BST1: variants seen among roughly 807,000 people sequenced by gnomAD.
BST1 encodes the protein ADP-ribosyl cyclase/cyclic ADP-ribose hydrolase 2.
Under a neutral mutation model 40.6 loss-of-function variants are expected in BST1, and 49 were observed. The observed-to-expected ratio is 1.21, with a 90% CI of 0.96 to 1.53. The LOEUF is 1.53. Among genes scored for constraint, BST1 ranks in the 40% most tolerant of loss-of-function variants. The pLI is 0.00. For synonymous variants in BST1, 157 were observed against 159.3 expected (o/e 0.99, Z 0.11); for missense variants, 423 against 395.9 (o/e 1.07, Z -0.58).
At chr4:15,703,539 C>A (rs115890946) in intron 1 of BST1, among the ~76,000 whole-genome samples, 1 of 143,824 alleles carries the variant, frequency 7.0e-6, no homozygotes, top group Non-Finnish European at 1.5e-5. Flanking sequence ...GTGAGGGGTG[C>A]GCTGTGCGGG....
chr4:15,734,802 T>C (rs1297807422), downstream of BST1, among the ~76,000 whole-genome samples: 4 of 152,216 alleles, frequency 2.6e-5, no homozygotes, highest in Non-Finnish European at 4.4e-5. Flanking sequence ...CAAAAAACAG[T>C]AGACATCACT....
chr4:15,758,025 A>G, the BST1 span, among the ~76,000 whole-genome samples: 1 of 152,244 alleles, frequency 6.6e-6, no homozygotes, highest in East Asian at 1.9e-4. Flanking sequence ...TTGTAAATTG[A>G]CAATTTATAA....
At chr4:15,715,864 A>G in intron 6 of BST1, 65 bp downstream of exon 6, 1 of 1,226,490 alleles carries the variant, frequency 8.2e-7, no homozygotes, top group Non-Finnish European at 1.1e-6. Flanking sequence ...ATAATATGAT[A>G]AAGTTCGTTT....
At chr4:15,738,359 GA>G (rs1185844074), downstream of BST1, 2 of 153,002 alleles carry the variant, frequency 1.3e-5, no homozygotes, top group Non-Finnish European at 2.9e-5. Flanking sequence ...AAAGAATAAT[GA>G]CGTCTATAAG....
At chr4:15,749,935 CT>C in the BST1 span, among the ~76,000 whole-genome samples, 3,145 of 137,700 alleles carry the variant, frequency 0.023, 76 homozygotes, top group African/African-American at 0.07. Flanking sequence ...TCATTCTTTT[CT>C]TTTTTTTTTT....
the BST1 span, among the ~76,000 whole-genome samples, chr4:15,770,542 T>C: frequency 6.6e-6 from 1 of 151,908 alleles, no homozygotes; most frequent in Non-Finnish European, 1.5e-5. Context: ...CCGTCTCTAC[T>C]AAAAATACAA....
At chr4:15,712,001 C>A (rs1479902590) in intron 4 of BST1, 112 bp downstream of exon 4, 10 of 831,126 alleles carry the variant, frequency 1.2e-5, no homozygotes, top group Non-Finnish European at 2.0e-5. Context: ...CTGAGCCTCA[C>A]TTTCCACTTT....
the BST1 span, among the ~76,000 whole-genome samples, chr4:15,762,288 A>G: frequency 1.2e-4 from 17 of 140,348 alleles, no homozygotes; most frequent in African/African-American, 4.6e-4. Context: ...TCTTTTATAC[A>G]CACACACCCA....
At chr4:15,737,545 A>C (rs1721613627), downstream of BST1, among the ~76,000 whole-genome samples, 1 of 152,176 alleles carries the variant, frequency 6.6e-6, no homozygotes, top group African/African-American at 2.4e-5. Flanking sequence ...TCCCAGCACC[A>C]GCTCCATGCC....
chr4:15,757,438 C>T, the BST1 span, among the ~76,000 whole-genome samples: 2 of 152,168 alleles, frequency 1.3e-5, no homozygotes, highest in East Asian at 3.9e-4. Context: ...CTGTCCTAGT[C>T]CTGTGACCTT....
intron 8 of BST1, among the ~76,000 whole-genome samples, chr4:15,724,308 T>G (rs538049558): frequency 6.6e-6 from 1 of 152,370 alleles, no homozygotes; most frequent in African/African-American, 2.4e-5. Flanking sequence ...GGAAGAGAAC[T>G]AATCAGAGTG....
chr4:15,720,473 C>T (rs1045614893), intron 7 of BST1, among the ~76,000 whole-genome samples: 2 of 151,702 alleles, frequency 1.3e-5, no homozygotes, highest in African/African-American at 4.8e-5. Context: ...AAAAATTAGC[C>T]GCGTGTGGTG....
At chr4:15,754,146 C>T in the BST1 span, among the ~76,000 whole-genome samples, 1 of 152,144 alleles carries the variant, frequency 6.6e-6, no homozygotes, top group Non-Finnish European at 1.5e-5. Flanking sequence ...AGGAAAACCA[C>T]GATGGAGGCC....
chr4:15,703,286 C>G lies in BST1; in HGVS notation c.142C>G (p.Leu48Val). 1.3e-6 allele frequency: 2 copies of G among 1,534,430 alleles called. No individual in the cohort carries two copies. The highest frequency in any genetic ancestry group is 8.7e-7 in the Non-Finnish European group (1 of 1,146,218). ...GTSAHLRDIFLGRCAEYRALL... is the reference protein window; with the variant it reads ...GTSAHLRDIFVGRCAEYRALL... ...CAGCGCACACTTGCGGGACATCTTC[C>G]TGGGCCGCTGCGCCGAGTACCGCGC... The change falls in exon 1 of 9, where the codon CTG (leucine) becomes GTG (valine). Residue 48 changes from leucine to valine, a missense_variant. Transcript: ENST00000265016.
chr4:15,727,821 G>T (rs1560287400), intron 8 of BST1, among the ~76,000 whole-genome samples: 1 of 151,930 alleles, frequency 6.6e-6, no homozygotes, highest in South Asian at 2.1e-4. Flanking sequence ...GTTCTCCAGA[G>T]CATTCTTTAT....
At chr4:15,725,145 G>T (rs909875817) in intron 8 of BST1, among the ~76,000 whole-genome samples, 1 of 152,180 alleles carries the variant, frequency 6.6e-6, no homozygotes, top group East Asian at 1.9e-4. Flanking sequence ...TCCAATGTGG[G>T]TAGGTTCATA....
intron 1 of BST1, among the ~76,000 whole-genome samples, chr4:15,704,511 G>GGT (rs139787312): frequency 1.3e-5 from 2 of 149,862 alleles, no homozygotes; most frequent in East Asian, 4.0e-4. Flanking sequence ...AGAGGTGACA[G>GGT]GTGTGTGTGT....
intron 8 of BST1, among the ~76,000 whole-genome samples, chr4:15,728,199 C>G (rs930228323): frequency 1.3e-5 from 2 of 152,082 alleles, no homozygotes; most frequent in African/African-American, 4.8e-5. Context: ...GACAGGACTA[C>G]TCATCTCTAC....
intron 8 of BST1, among the ~76,000 whole-genome samples, chr4:15,723,914 T>C (rs1720962305): frequency 1.3e-5 from 2 of 152,188 alleles, no homozygotes; most frequent in African/African-American, 2.4e-5. Context: ...TTTTAGCCCA[T>C]CTTAGGGGTA....
Sources: allele counts gnomAD v4.1 joint callset (sites outside exome capture counted in the v4.1 genomes callset), GRCh38; gene constraint gnomAD v4.1.1; transcripts MANE v1.5; gene names NCBI Gene and HGNC (gene_info 2026-07-23, HGNC 2026-07-21).